SCAMP3: variants seen among roughly 807,000 people sequenced by gnomAD.
The protein encoded by SCAMP3 is secretory carrier-associated membrane protein 3.
In SCAMP3, 30 loss-of-function variants were observed where a neutral mutation model predicts 44.1. The ratio of observed to expected loss-of-function variants is 0.68; its 90% CI spans 0.51 to 0.92. SCAMP3 has a LOEUF of 0.92. SCAMP3 is among the 40% of genes least tolerant of loss of function. The pLI, the probability that SCAMP3 is intolerant of heterozygous loss-of-function variation, is 0.00. For missense variants in SCAMP3, 394 were observed against 440.0 expected, an observed-to-expected ratio of 0.90 and a Z score of 0.93; for synonymous variants, 168 against 171.1, an observed-to-expected ratio of 0.98 and a Z score of 0.14.
rs573224703 is a variant in SCAMP3, at chr1:155,257,349, T to A, written c.715A>T (p.Ile239Phe). 5 of 1,613,354 alleles carry A rather than the reference T, an allele frequency of 3.1e-6. No homozygotes were observed. Among genetic ancestry groups the A allele is most frequent in the Admixed American group, 3.3e-5 (2 of 59,942 alleles). Residue 239 changes from isoleucine to phenylalanine, a missense_variant, in exon 7 of 9, where the codon ATT becomes TTT. By Grantham distance (21) the Ile-to-Phe change is conservative. Transcript: ENST00000302631. ...AAGAGCACATCCTGGACGAAGAAAA[T>A]GAAGAAGAAAACGAAGAAATTGAAT... ...SSFNFFVFFF[I>F]FFVQDVLFVL...
chr1:155,259,681 AT>A (rs1347627654), intron 4 of SCAMP3, among the ~76,000 whole-genome samples: 1 of 152,104 alleles, frequency 6.6e-6, no homozygotes, highest in East Asian at 1.9e-4. Flanking sequence ...CCTCTCTTTT[AT>A]CTCCAATTTG....
intron 5 of SCAMP3, among the ~76,000 whole-genome samples, chr1:155,258,497 C>G (rs990726546): frequency 3.3e-5 from 5 of 151,832 alleles, no homozygotes; most frequent in African/African-American, 1.2e-4. Context: ...CCACCACGCC[C>G]AGGTAATTTT....
chr1:155,260,055 G>A (rs924339520), intron 4 of SCAMP3, among the ~76,000 whole-genome samples: 1 of 151,658 alleles, frequency 6.6e-6, no homozygotes, highest in East Asian at 1.9e-4. Flanking sequence ...GGGTTCAAGC[G>A]ATTCTCCTGC....
intron 2 of SCAMP3, 27 bp downstream of exon 2, chr1:155,261,630 G>C: frequency 6.2e-7 from 1 of 1,604,186 alleles, no homozygotes; most frequent in Non-Finnish European, 8.5e-7. Context: ...TCCCTTCCTT[G>C]AACTCCTATG....
rs763672917 is a variant in SCAMP3, at chr1:155,256,749, T to C, written c.822A>G (p.Ala274=). 12 of 1,614,084 alleles carry C rather than the reference T, an allele frequency of 7.4e-6. No homozygotes were observed. Among genetic ancestry groups the C allele is most frequent in the Non-Finnish European group, 1.0e-5 (12 of 1,180,048 alleles). ...CGACCAGCAGCATGAGCACGGATAC[T>C]GCTGTGTTGCCCTTCGGCACCACCA... The part of the protein sequence containing the change: ...SALVVPKGNT[A]VSVLMLLVAL... Residue 274 remains alanine, a synonymous_variant, in exon 8 of 9, where the codon GCA becomes GCG. Coordinates refer to ENST00000302631, the MANE Select transcript of SCAMP3 (RefSeq NM_005698.4).
intron 5 of SCAMP3, 112 bp from the exon 6 acceptor site, chr1:155,257,769 G>T: frequency 1.0e-6 from 1 of 997,100 alleles, no homozygotes; most frequent in Non-Finnish European, 1.5e-6. Context: ...AGGAAATGAA[G>T]GCAGCTGCTG....
intron 4 of SCAMP3, 66 bp from the exon 5 acceptor site, chr1:155,259,020 C>G (rs1265479517): frequency 1.4e-6 from 2 of 1,450,918 alleles, no homozygotes; most frequent in Non-Finnish European, 1.9e-6. Context: ...GAATCACTCC[C>G]CCTTCTCTCC....
intron 1 of SCAMP3, 103 bp downstream of exon 1, chr1:155,261,982 TC>T: frequency 8.1e-7 from 1 of 1,228,108 alleles, no homozygotes; most frequent in Non-Finnish European, 1.2e-6. Flanking sequence ...TGGCGGCTCT[TC>T]CCAGGATCAA....
chr1:155,258,682 A>G, intron 5 of SCAMP3, 144 bp downstream of exon 5: 1 of 740,816 alleles, frequency 1.3e-6, no homozygotes, highest in Non-Finnish European at 2.2e-6. Context: ...TATGGACAAT[A>G]AAAAGTGGGG....
Position 155,257,598 on chromosome 1 carries a change from T to C in SCAMP3, c.577A>G (p.Thr193Ala). Residue 193 changes from threonine to alanine, a missense_variant, in exon 6 of 9, where the codon ACC becomes GCC. Coordinates refer to ENST00000302631, the MANE Select transcript of SCAMP3 (RefSeq NM_005698.4). ...LACLASFCVETNNGAGFGLSI... is the reference protein window; with the variant it reads ...LACLASFCVEANNGAGFGLSI... ...AGCCCAAAGCCTGCGCCATTGTTGG[T>C]TTCCACACAGAAGCTGGCCAGGCAG... 1 of 1,591,342 alleles carries C rather than the reference T, an allele frequency of 6.3e-7. No homozygotes were observed. The highest frequency in any genetic ancestry group is 1.3e-5 in the African/African-American group (1 of 74,552).
At chr1:155,260,258 G>A (rs1262015932) in intron 4 of SCAMP3, 72 bp downstream of exon 4, 16 of 1,580,366 alleles carry the variant, frequency 1.0e-5, no homozygotes, top group Admixed American at 8.4e-5. Flanking sequence ...GCACCCAGCC[G>A]AGCCCAGGCC....
intron 5 of SCAMP3, 96 bp from the exon 6 acceptor site, chr1:155,257,753 A>C: frequency 1.6e-6 from 2 of 1,227,900 alleles, no homozygotes; most frequent in Non-Finnish European, 2.3e-6. Flanking sequence ...CAAACATGGC[A>C]GAGTAAGGAA....
intron 4 of SCAMP3, 81 bp downstream of exon 4, chr1:155,260,249 C>T (rs1175064047): frequency 2.6e-6 from 4 of 1,558,302 alleles, no homozygotes; most frequent in Non-Finnish European, 3.5e-6. Flanking sequence ...TGAGCCACCG[C>T]ACCCAGCCGA....
chr1:155,257,344 G>A lies in SCAMP3; in HGVS notation c.720C>T (p.Phe240=). The A allele has an allele frequency of 6.2e-7, 1 of 1,614,064 alleles. No homozygotes were observed. Among genetic ancestry groups the A allele is most frequent in the Non-Finnish European group, 8.5e-7 (1 of 1,179,984 alleles). ...SFNFFVFFFI[F]FVQDVLFVLQ... ...GGACAAAGAGCACATCCTGGACGAA[G>A]AAAATGAAGAAGAAAACGAAGAAAT... Residue 240 remains phenylalanine, a synonymous_variant, in exon 7 of 9, where the codon TTC becomes TTT. Coordinates refer to ENST00000302631, the MANE Select transcript of SCAMP3 (RefSeq NM_005698.4).
intron 1 of SCAMP3, 113 bp from the exon 2 acceptor site, chr1:155,261,847 G>A: frequency 2.0e-6 from 2 of 1,013,804 alleles, no homozygotes; most frequent in Non-Finnish European, 3.1e-6. Context: ...GGGCCACGCC[G>A]TTGTCCCAGG....
Position 155,256,335 on chromosome 1 carries a change from C to T in SCAMP3, c.982G>A (p.Val328Met). Reference sequence around the variant, plus strand: ...GCTGCATTGGCAGCTGCGGTTCGCACCGCAGGGTTGGAGAAGACACCAGCA... The same window carrying T: ...GCTGCATTGGCAGCTGCGGTTCGCATCGCAGGGTTGGAGAAGACACCAGCA... ...FAAGVFSNPA[V>M]RTAAANAAAG... Residue 328 changes from valine to methionine, a missense_variant, in exon 9 of 9, where the codon GTG (valine) becomes ATG (methionine). Val to Met is a conservative substitution (Grantham distance 21). Transcript: ENST00000302631. The T allele has an allele frequency of 3.1e-6, 5 of 1,608,266 alleles. No homozygotes were observed. The highest frequency in any genetic ancestry group is 4.3e-6 in the Non-Finnish European group (5 of 1,175,838).
Position 155,257,653 on chromosome 1 carries a change from G to A in SCAMP3, c.522C>T (p.Ser174=). The A allele has an allele frequency of 1.3e-6, 2 of 1,556,758 alleles. No individual in the cohort carries two copies. Among genetic ancestry groups the A allele is most frequent in the Non-Finnish European group, 1.7e-6 (2 of 1,149,886 alleles). ...VSTMYYLWMC[S]TLALLLNFLA... ...GGAAGTTCAGGAGAAGAGCCAGCGTGCTGCCTAAGGGGCAGAGGGACAGGA... is the reference window on the plus strand; with the variant it reads ...GGAAGTTCAGGAGAAGAGCCAGCGTACTGCCTAAGGGGCAGAGGGACAGGA... The change falls in exon 6 of 9, where the codon AGC becomes AGT. Residue 174 remains serine (S), a synonymous_variant. Coordinates refer to ENST00000302631, the MANE Select transcript of SCAMP3 (RefSeq NM_005698.4).
At chr1:155,260,213 C>T in intron 4 of SCAMP3, 117 bp downstream of exon 4, 1 of 1,278,730 alleles carries the variant, frequency 7.8e-7, no homozygotes, top group Non-Finnish European at 1.1e-6. Flanking sequence ...CCACCTCAGC[C>T]TCCCAAAGTG....
At position 155,256,153 on chromosome 1, in the gene SCAMP3, G is replaced by A; in HGVS notation, c.*120C>T. On this transcript the variant is annotated 3_prime_UTR_variant, in exon 9 of 9. Transcript: ENST00000302631. The stretch of plus-strand genomic sequence containing the variant: ...TCAGGTTCAGCAGTCATGGCCATAG[G>A]ATTGGGAGCACTACGGAGGAGCCAT... The A allele has an allele frequency of 3.8e-6, 4 of 1,040,350 alleles. No individual in the cohort carries two copies. The Admixed American group carries it at 1.0e-4, about 27-fold the overall frequency. The allele number at this position is 1,040,350 out of a possible 1,614,324, so 64.4% of individuals were successfully genotyped here. A position where few individuals can be genotyped will look rare whatever the true frequency, so the allele number is the denominator to read the frequency against.
Sources: gnomAD v4.1 joint callset for allele counts (sites outside exome capture counted in the v4.1 genomes callset) on GRCh38, gnomAD v4.1.1 for gene constraint, MANE v1.5 for transcripts, NCBI Gene and HGNC (gene_info 2026-07-23, HGNC 2026-07-21) for gene names.